The following CYSLTR2 variants were observed in gnomAD, a reference collection of about 807,000 sequenced individuals.
CYSLTR2 encodes cysteinyl leukotriene receptor 2, also known as G-protein coupled receptor GPCR21.
For missense variants in CYSLTR2, 398 were observed against 411.9 expected, an observed-to-expected ratio of 0.97 and a Z score of 0.29; for synonymous variants, 179 against 160.8, an observed-to-expected ratio of 1.11 and a Z score of -0.86.
intron 3 of CYSLTR2, among the ~76,000 whole-genome samples, chr13:48,695,401 C>T (rs921355088): frequency 6.8e-6 from 1 of 145,998 alleles, no homozygotes; most frequent in Non-Finnish European, 1.5e-5. Flanking sequence ...TTCTCTCTCT[C>T]TCTCTTTCTC....
intron 2 of CYSLTR2, among the ~76,000 whole-genome samples, chr13:48,692,806 A>C (rs959675298): frequency 1.3e-5 from 2 of 151,398 alleles, no homozygotes; most frequent in Admixed American, 1.3e-4. Context: ...CAATTTAAAC[A>C]GTTTCAATAT....
At chr13:48,670,574 G>T (rs1953398284) in intron 1 of CYSLTR2, among the ~76,000 whole-genome samples, 1 of 152,160 alleles carries the variant, frequency 6.6e-6, no homozygotes. Flanking sequence ...TTTTGTCAAA[G>T]ATCAGATGGG....
chr13:48,697,446 G>GAAGGAAT (rs1418059266), intron 4 of CYSLTR2, among the ~76,000 whole-genome samples: 3 of 152,190 alleles, frequency 2.0e-5, no homozygotes, highest in Non-Finnish European at 4.4e-5. Context: ...GCAGCTGAGG[G>GAAGGAAT]TCCTGACTGT....
At chr13:48,658,861 T>G (rs1953061522) in intron 1 of CYSLTR2, among the ~76,000 whole-genome samples, 1 of 152,054 alleles carries the variant, frequency 6.6e-6, no homozygotes, top group Admixed American at 6.6e-5. Flanking sequence ...GAGATGAACT[T>G]GACTCTGAGA....
intron 1 of CYSLTR2, among the ~76,000 whole-genome samples, chr13:48,667,988 T>G (rs1953309847): frequency 6.6e-6 from 1 of 152,192 alleles, no homozygotes; most frequent in African/African-American, 2.4e-5. Flanking sequence ...GTTCCATGTC[T>G]AATACTTGTG....
At chr13:48,695,391 T>TTTTTTCTC (rs1954154280) in intron 3 of CYSLTR2, among the ~76,000 whole-genome samples, 1 of 138,730 alleles carries the variant, frequency 7.2e-6, no homozygotes, top group South Asian at 2.4e-4. Flanking sequence ...CTTTCTTTCT[T>TTTTTTCTC]TCTCTCTCTC....
chr13:48,707,387 G>A lies in CYSLTR2; in HGVS notation c.570G>A (p.Leu190=). 1 of 1,614,086 alleles carries A rather than the reference G, an allele frequency of 6.2e-7. No homozygotes were observed. The change falls in exon 5 of 5, where the codon CTG becomes CTA. Residue 190 remains leucine, a synonymous_variant. Coordinates refer to ENST00000682523, the MANE Select transcript of CYSLTR2 (RefSeq NM_001308476.3). ...GCAGTGTCACATCATGCTTAGAGCTGAATCTCTATAAAATTGCTAAGCTGC... is the reference window on the plus strand; with the variant it reads ...GCAGTGTCACATCATGCTTAGAGCTAAATCTCTATAAAATTGCTAAGCTGC... The part of the protein sequence containing the change: ...QNGSVTSCLE[L]NLYKIAKLQT...
chr13:48,675,831 C>T (rs1593963744), intron 1 of CYSLTR2, among the ~76,000 whole-genome samples: 1 of 152,316 alleles, frequency 6.6e-6, no homozygotes, highest in Non-Finnish European at 1.5e-5. Context: ...ATGGAAAAAG[C>T]ATAGTATCTG....
Position 48,707,932 on chromosome 13 carries a change from G to A in CYSLTR2, c.*74G>A, listed in dbSNP as rs915510863. On this transcript the variant is annotated 3_prime_UTR_variant, in exon 5 of 5. Transcript: ENST00000682523. ...TCACTCATAGTCTCCAAATGACTTT[G>A]TATTTACATCACTCCCAACAAATGT... 26 of 1,226,386 alleles carry A rather than the reference G, an allele frequency of 2.1e-5. No individual in the cohort carries two copies. The African/African-American group carries it at 3.3e-4, about 16-fold the overall frequency. 76.0% of individuals were successfully genotyped at this position (1,226,386 alleles called of 1,614,324 possible).
At chr13:48,665,223 G>T (rs529107954) in intron 1 of CYSLTR2, among the ~76,000 whole-genome samples, 18 of 152,078 alleles carry the variant, frequency 1.2e-4, no homozygotes, top group Admixed American at 5.9e-4. Context: ...GACTTGTTTT[G>T]TGTCCTAATA....
At chr13:48,700,056 C>T (rs1247178979) in intron 4 of CYSLTR2, among the ~76,000 whole-genome samples, 4 of 152,176 alleles carry the variant, frequency 2.6e-5, no homozygotes, top group Non-Finnish European at 5.9e-5. Flanking sequence ...AAGTCCAGGA[C>T]CAGATGGATT....
intron 1 of CYSLTR2, among the ~76,000 whole-genome samples, chr13:48,690,569 T>G (rs1954012820): frequency 1.3e-5 from 2 of 152,218 alleles, no homozygotes; most frequent in Non-Finnish European, 2.9e-5. Context: ...TTGATTTGCA[T>G]ATGTTGAACC....
At chr13:48,675,985 C>T (rs143789002) in intron 1 of CYSLTR2, among the ~76,000 whole-genome samples, 1 of 152,200 alleles carries the variant, frequency 6.6e-6, no homozygotes, top group Non-Finnish European at 1.5e-5. Flanking sequence ...TGCCCACTGT[C>T]TAACCAGTCC....
intron 4 of CYSLTR2, among the ~76,000 whole-genome samples, chr13:48,697,083 G>A (rs377137556): frequency 6.6e-6 from 1 of 152,200 alleles, no homozygotes; most frequent in African/African-American, 2.4e-5. Flanking sequence ...ACCTCTGGGG[G>A]CAGGGCATAG....
At chr13:48,657,280 C>G (rs1038798913) in intron 1 of CYSLTR2, among the ~76,000 whole-genome samples, 1 of 152,096 alleles carries the variant, frequency 6.6e-6, no homozygotes, top group Admixed American at 6.6e-5. Flanking sequence ...AGTCTTTTGA[C>G]AAAGAAATCT....
intron 1 of CYSLTR2, among the ~76,000 whole-genome samples, chr13:48,672,288 C>T (rs1191051557): frequency 6.6e-6 from 1 of 151,978 alleles, no homozygotes; most frequent in Non-Finnish European, 1.5e-5. Context: ...TTCAGTTCTG[C>T]TCTGATCTTA....
chr13:48,703,459 T>A (rs898988840), intron 4 of CYSLTR2, among the ~76,000 whole-genome samples: 2 of 152,224 alleles, frequency 1.3e-5, no homozygotes, highest in Non-Finnish European at 2.9e-5. Flanking sequence ...AGGTTTTTTG[T>A]ATATGCTCTT....
Position 48,707,825 on chromosome 13 carries a change from T to G in CYSLTR2, c.1008T>G (p.Val336=). ...QKAKTKCVFP[V]SVWLRKETRV ...CAAAGACAAAGTGTGTTTTCCCTGT[T>G]AGTGTGTGGTTGAGAAAGGAAACAA... Residue 336 remains valine, a synonymous_variant, in exon 5 of 5, where the codon GTT becomes GTG. Transcript: ENST00000682523. 1 of 1,534,250 alleles carries G rather than the reference T, an allele frequency of 6.5e-7. No individual in the cohort carries two copies. Among genetic ancestry groups the G allele is most frequent in the Non-Finnish European group, 8.8e-7 (1 of 1,142,724 alleles).
intron 1 of CYSLTR2, among the ~76,000 whole-genome samples, chr13:48,686,450 T>G (rs945518919): frequency 2.0e-5 from 3 of 152,178 alleles, no homozygotes; most frequent in Non-Finnish European, 4.4e-5. Context: ...TTAGGTAATT[T>G]GAGGATAAGA....
Sources: allele counts gnomAD v4.1 joint callset (sites outside exome capture counted in the v4.1 genomes callset), GRCh38; gene constraint gnomAD v4.1.1; transcripts MANE v1.5; gene names NCBI Gene and HGNC (gene_info 2026-07-23, HGNC 2026-07-21).